POLR2B: variants seen among roughly 807,000 people sequenced by gnomAD.
POLR2B encodes RNA polymerase II subunit B.
In POLR2B, 57 loss-of-function variants were observed where a neutral mutation model predicts 144.6. The observed-to-expected ratio is 0.39, with a 90% CI of 0.32 to 0.49. The LOEUF is 0.49. Ranked by LOEUF, POLR2B falls within the 20% of genes least tolerant of loss-of-function variation. The probability of loss-of-function intolerance (pLI) is 0.83; values close to 1 mark genes in which losing one functional copy is unlikely to be tolerated. For missense variants in POLR2B, 595 were observed against 1,467.4 expected (o/e 0.41, Z 9.71); for synonymous variants, 442 against 469.8 (o/e 0.94, Z 0.77).
chr4:57,005,029 A>G (rs889570842), intron 7 of POLR2B, among the ~76,000 whole-genome samples: 2 of 152,132 alleles, frequency 1.3e-5, no homozygotes, highest in African/African-American at 4.8e-5. Flanking sequence ...TCTTTCTAGA[A>G]AGGTAATTGC....
In POLR2B at chr4:57,025,009, C is replaced by G; in HGVS notation, c.3078+10C>G. On this transcript the variant is annotated intron_variant, in intron 22 of 24. Coordinates refer to ENST00000314595, the MANE Select transcript of POLR2B (RefSeq NM_000938.3). ...TCTCAGAGGAAATGAGGTATATTTG[C>G]TCTTATAGTAGTAATTTGCCACTTG... 7.7e-7 allele frequency: 1 copy of G among 1,303,662 alleles called. No homozygotes were observed. Among genetic ancestry groups the G allele is most frequent in the South Asian group, 1.3e-5 (1 of 78,528 alleles). 80.8% of individuals were successfully genotyped at this position (1,303,662 alleles called of 1,614,324 possible).
chr4:57,019,759 CTTTTTTTTTTT>C (rs71208972), intron 16 of POLR2B, among the ~76,000 whole-genome samples: 1 of 98,196 alleles, frequency 1.0e-5, no homozygotes, highest in South Asian at 4.0e-4. Context: ...CTAATGATGT[CTTTTTTTTTTT>C]TTTTTTTTTT....
intron 1 of POLR2B, among the ~76,000 whole-genome samples, chr4:56,980,192 C>CCTGTCA (rs1722113090): frequency 6.6e-6 from 1 of 151,036 alleles, no homozygotes; most frequent in Admixed American, 6.6e-5. Context: ...TCCCAAAGTG[C>CCTGTCA]TGGGATTACA....
Position 56,991,015 on chromosome 4 carries a change from T to G in POLR2B, c.243+117T>G, listed in dbSNP as rs1301595855. On this transcript the variant is annotated intron_variant, in intron 3 of 24. Transcript: ENST00000314595. ...TCAGTTGGAGCTTTTAGCAAAGTACTTACAGCACCGTCAATCACTTTCTGA... is the reference window on the plus strand; with the variant it reads ...TCAGTTGGAGCTTTTAGCAAAGTACGTACAGCACCGTCAATCACTTTCTGA... 1.5e-5 allele frequency: 10 copies of G among 684,720 alleles called. No individual in the cohort carries two copies. In the Admixed American group the frequency reaches 2.1e-4, roughly 14 times the overall value. 42.4% of individuals were successfully genotyped at this position (684,720 alleles called of 1,614,324 possible).
chr4:57,013,576 C>A (rs1273836514), intron 13 of POLR2B, among the ~76,000 whole-genome samples: 1 of 147,278 alleles, frequency 6.8e-6, no homozygotes, highest in East Asian at 2.0e-4. Context: ...GTCTCTCTGT[C>A]ACCCAGGCTG....
At chr4:57,027,408 G>T (rs1723758439) in intron 23 of POLR2B, among the ~76,000 whole-genome samples, 1 of 151,824 alleles carries the variant, frequency 6.6e-6, no homozygotes, top group South Asian at 2.1e-4. Context: ...TCCAGGCTCA[G>T]GTGATCCTCC....
At chr4:57,015,447 T>G in intron 13 of POLR2B, 55 bp from the exon 14 acceptor site, 5 of 943,080 alleles carry the variant, frequency 5.3e-6, no homozygotes, top group Non-Finnish European at 1.5e-6. Flanking sequence ...TAACTAAGCC[T>G]AATAATAAAG....
At position 57,017,603 on chromosome 4, in the gene POLR2B, T is replaced by TG. The variant is rs1184790498; in HGVS notation, c.2201dup (p.Val735SerfsTer36). On this transcript the variant is annotated frameshift_variant, in exon 16 of 25. Coordinates refer to ENST00000314595, the MANE Select transcript of POLR2B (RefSeq NM_000938.3). LOFTEE classifies it high-confidence loss of function. This position sits in a 1 kb window ranked among gnomAD's most constrained non-coding sequence, Gnocchi z 4.8. ...CAGTCTGCTATGGGTAAGCAGGCTA[T>TG]GGGAGTTTACATCACCAACTTCCAT... 1 of 1,613,868 alleles carries TG rather than the reference T, an allele frequency of 6.2e-7. No individual in the cohort carries two copies. Among genetic ancestry groups the TG allele is most frequent in the African/African-American group, 1.3e-5 (1 of 74,938 alleles).
Position 57,005,521 on chromosome 4 carries a change from G to A in POLR2B, c.1097+79G>A, listed in dbSNP as rs902168954. ...GGTTTTTCTTAGAGTCAAAAATGAT[G>A]TTTTTAACATATAAATCAAAAAAAA... On this transcript the variant is annotated intron_variant, in intron 8 of 24. Transcript: ENST00000314595. 10 of 1,489,830 alleles carry A rather than the reference G, an allele frequency of 6.7e-6. No homozygotes were observed. The African/African-American group carries it at 1.4e-4, about 21-fold the overall frequency. 92.3% of individuals were successfully genotyped at this position (1,489,830 alleles called of 1,614,324 possible). A position where few individuals can be genotyped will look rare whatever the true frequency, so the allele number is the denominator to read the frequency against.
chr4:56,992,216 A>T (rs1045982041), intron 3 of POLR2B, among the ~76,000 whole-genome samples: 62 of 152,044 alleles, frequency 4.1e-4, no homozygotes, highest in African/African-American at 1.4e-3. Flanking sequence ...TAATTTTAGC[A>T]CTTTGGGAGG....
At chr4:56,999,885 T>A in intron 7 of POLR2B, 104 bp downstream of exon 7, 1 of 752,370 alleles carries the variant, frequency 1.3e-6, no homozygotes, top group East Asian at 2.7e-5. Context: ...GAAGAGTAAT[T>A]TAGCTGTCAC....
At chr4:56,984,658 C>T (rs1398179818) in intron 1 of POLR2B, among the ~76,000 whole-genome samples, 1 of 152,180 alleles carries the variant, frequency 6.6e-6, no homozygotes, top group Non-Finnish European at 1.5e-5. Flanking sequence ...CTTTCTTACC[C>T]TTCCCTCAGG....
rs759360943 is a variant in POLR2B, at chr4:57,023,317, T to TA, written c.2516-12dup. On this transcript the variant is annotated splice_polypyrimidine_tract_variant and intron_variant, in intron 18 of 24. Coordinates refer to ENST00000314595, the MANE Select transcript of POLR2B (RefSeq NM_000938.3). The surrounding 1 kb of genome is among the most constrained non-coding windows in gnomAD (Gnocchi z 4.3). ...TGGGGATTATGTGACATTCCGTGTCTATTTCCTCACAGGCATGAGGCATGC... is the reference window on the plus strand; with the variant it reads ...TGGGGATTATGTGACATTCCGTGTCTAATTTCCTCACAGGCATGAGGCATGC... 8 of 1,613,338 alleles carry TA rather than the reference T, an allele frequency of 5.0e-6. No homozygotes were observed. The East Asian group carries it at 1.8e-4, about 36-fold the overall frequency.
chr4:56,995,437 G>T (rs1453285055), intron 6 of POLR2B, 28 bp downstream of exon 6: 1 of 1,528,270 alleles, frequency 6.5e-7, no homozygotes, highest in South Asian at 1.3e-5. Flanking sequence ...TGCTATTTGG[G>T]TTTATTCCTT....
Position 57,025,005 on chromosome 4 carries a change from T to G in POLR2B, c.3078+6T>G. The G allele has an allele frequency of 1.1e-5, 15 of 1,376,162 alleles. No homozygotes were observed. The highest frequency in any genetic ancestry group is 1.8e-5 in the Admixed American group (1 of 54,260). 85.2% of individuals were successfully genotyped at this position (1,376,162 alleles called of 1,614,324 possible). ...ATCATCTCAGAGGAAATGAGGTATA[T>G]TTGCTCTTATAGTAGTAATTTGCCA... On this transcript the variant is annotated splice_donor_region_variant and intron_variant, in intron 22 of 24. Coordinates refer to ENST00000314595, the MANE Select transcript of POLR2B (RefSeq NM_000938.3).
chr4:56,999,416 A>T (rs977861691), intron 6 of POLR2B, among the ~76,000 whole-genome samples: 1 of 151,436 alleles, frequency 6.6e-6, no homozygotes, highest in Non-Finnish European at 1.5e-5. Flanking sequence ...GGTCTAAGTG[A>T]CCTGAGCCTG....
At chr4:57,007,120 T>G (rs1723042907) in intron 10 of POLR2B, 118 bp downstream of exon 10, 3 of 742,304 alleles carry the variant, frequency 4.0e-6, no homozygotes, top group Non-Finnish European at 6.5e-6. Context: ...AAGGTAAAAC[T>G]ACTGGGTGCC....
intron 2 of POLR2B, among the ~76,000 whole-genome samples, chr4:56,987,183 ATGTT>A (rs1370979384): frequency 2.6e-5 from 4 of 152,170 alleles, no homozygotes; most frequent in African/African-American, 9.7e-5. Flanking sequence ...ATCAGGAGGC[ATGTT>A]TGTTTCATTA....
At position 56,986,435 on chromosome 4, in the gene POLR2B, G is replaced by A; in HGVS notation, c.92+9G>A. The A allele has an allele frequency of 1.3e-6, 2 of 1,587,996 alleles. No homozygotes were observed. Among genetic ancestry groups the A allele is most frequent in the Non-Finnish European group, 8.6e-7 (1 of 1,156,878 alleles). On this transcript the variant is annotated intron_variant, in intron 2 of 24. Coordinates refer to ENST00000314595, the MANE Select transcript of POLR2B (RefSeq NM_000938.3). ...TGCTGGATTGTAATCAGGTAACTTT[G>A]GACCAAACTGAATTAGCCTGAAAAG...
Sources: gnomAD v4.1 joint callset for allele counts (sites outside exome capture counted in the v4.1 genomes callset) on GRCh38, gnomAD v4.1.1 for gene constraint, Gnocchi (gnomAD v3.1) non-coding constraint, MANE v1.5 for transcripts, NCBI Gene and HGNC (gene_info 2026-07-23, HGNC 2026-07-21) for gene names.